Variants in NRXN1 observed in about 807,000 individuals in gnomAD.
NRXN1 encodes the protein neurexin-1.
NRXN1 carries 39 observed loss-of-function variants against 150.9 expected under a neutral mutation model. That is an observed-to-expected ratio of 0.26 (90% CI 0.20 to 0.34). NRXN1 has a LOEUF of 0.34. Ranked by LOEUF, NRXN1 falls within the 10% of genes least tolerant of loss-of-function variation. The pLI, the probability that NRXN1 is intolerant of heterozygous loss-of-function variation, is 1.00. For synonymous variants in NRXN1, 924 were observed against 757.0 expected (o/e 1.22, Z -3.62); for missense variants, 1,815 against 1,949.9 (o/e 0.93, Z 1.30).
At chr2:50,709,265 A>G (rs927505958) in intron 5 of NRXN1, among the ~76,000 whole-genome samples, 2 of 152,178 alleles carry the variant, frequency 1.3e-5, no homozygotes, top group Non-Finnish European at 2.9e-5. Context: ...AGGTACTGAG[A>G]TGAAACCCGG....
At position 50,983,651 on chromosome 2, in the gene NRXN1, T is replaced by G. The variant is rs1697196938; in HGVS notation, c.772+43851A>C. Reference sequence around the variant, plus strand: ...TACACATATTAGGGAACTTTTCTTATTTAGATATAATAGTGAAAATGTTTG... The same window carrying G: ...TACACATATTAGGGAACTTTTCTTAGTTAGATATAATAGTGAAAATGTTTG... On this transcript the variant is annotated intron_variant, in intron 2 of 22. Coordinates refer to ENST00000401669, the MANE Select transcript of NRXN1 (RefSeq NM_001330078.2). Among the ~76,000 whole-genome samples, 3 of 152,116 alleles carry G rather than the reference T, an allele frequency of 2.0e-5. No individual in the cohort carries two copies. The East Asian group carries it at 5.8e-4, about 29-fold the overall frequency.
At chr2:50,060,795 C>T (rs1694408715) in intron 19 of NRXN1, among the ~76,000 whole-genome samples, 2 of 152,262 alleles carry the variant, frequency 1.3e-5, no homozygotes, top group African/African-American at 4.8e-5. Context: ...TGCCTTTGCT[C>T]CTCCTTCGTC....
chr2:50,675,612 T>C (rs1051962016), intron 5 of NRXN1, among the ~76,000 whole-genome samples: 1 of 152,170 alleles, frequency 6.6e-6, no homozygotes. Flanking sequence ...TCCAATGCAA[T>C]GTAAACAAAC....
At chr2:50,279,078 T>C (rs1188830005) in intron 17 of NRXN1, among the ~76,000 whole-genome samples, 3 of 152,224 alleles carry the variant, frequency 2.0e-5, no homozygotes, top group Non-Finnish European at 2.9e-5. Flanking sequence ...TGTGGCATCA[T>C]TTGTCAGGGA....
chr2:50,730,555 T>C (rs1357182543), intron 5 of NRXN1, among the ~76,000 whole-genome samples: 2 of 152,082 alleles, frequency 1.3e-5, no homozygotes, highest in African/African-American at 2.4e-5. Context: ...AACCAAAGAC[T>C]CCCTACATCT....
intron 18 of NRXN1, among the ~76,000 whole-genome samples, chr2:50,153,838 G>A (rs985144683): frequency 1.3e-5 from 2 of 151,706 alleles, no homozygotes; most frequent in African/African-American, 4.8e-5. Context: ...CTCTGTATCT[G>A]CACCTACATG....
chr2:50,039,354 T>TA (rs1690565506), intron 21 of NRXN1, among the ~76,000 whole-genome samples: 2 of 151,862 alleles, frequency 1.3e-5, no homozygotes, highest in South Asian at 4.2e-4. Context: ...TGGTCCCAGC[T>TA]ACTCAGGAGG....
At chr2:50,661,698 C>T (rs1371676105) in intron 5 of NRXN1, among the ~76,000 whole-genome samples, 1 of 152,008 alleles carries the variant, frequency 6.6e-6, no homozygotes, top group Non-Finnish European at 1.5e-5. Context: ...TAGGGTTTCC[C>T]CTTCCTTCTA....
intron 22 of NRXN1, among the ~76,000 whole-genome samples, chr2:49,929,281 C>T (rs932053153): frequency 2.0e-5 from 3 of 152,176 alleles, no homozygotes; most frequent in African/African-American, 7.2e-5. Flanking sequence ...CTTGGTGACA[C>T]TGAAGACAAA....
intron 5 of NRXN1, among the ~76,000 whole-genome samples, chr2:50,652,783 CA>C (rs1336842451): frequency 7.9e-5 from 12 of 152,088 alleles, no homozygotes; most frequent in African/African-American, 2.9e-4. Flanking sequence ...AAAGCTTTTC[CA>C]GAGTTTTGCA....
At chr2:50,510,125 T>C (rs1347363858) in intron 12 of NRXN1, among the ~76,000 whole-genome samples, 2 of 152,118 alleles carry the variant, frequency 1.3e-5, no homozygotes, top group Non-Finnish European at 2.9e-5. Context: ...AGCCATCCAA[T>C]CTATGGTATT....
chr2:50,171,574 G>C (rs1403654), intron 18 of NRXN1, among the ~76,000 whole-genome samples: 3 of 151,990 alleles, frequency 2.0e-5, no homozygotes, highest in African/African-American at 4.8e-5. Context: ...GCTGTCTGAA[G>C]ATGATTTTGA....
intron 15 of NRXN1, among the ~76,000 whole-genome samples, chr2:50,488,464 G>C (rs1021063877): frequency 3.9e-5 from 6 of 152,178 alleles, no homozygotes; most frequent in Non-Finnish European, 7.4e-5. Flanking sequence ...GAGCAGGAGA[G>C]GAACAAGGGA....
At chr2:50,249,517 G>C (rs534155330) in intron 17 of NRXN1, among the ~76,000 whole-genome samples, 27 of 152,042 alleles carry the variant, frequency 1.8e-4, no homozygotes, top group African/African-American at 5.5e-4. Flanking sequence ...TACTAATTAA[G>C]CATTTACTAT....
intron 17 of NRXN1, among the ~76,000 whole-genome samples, chr2:50,362,004 G>A (rs909894221): frequency 6.6e-6 from 1 of 152,094 alleles, no homozygotes; most frequent in African/African-American, 2.4e-5. Flanking sequence ...AAAAACACAT[G>A]ATTATCTCAA....
intron 5 of NRXN1, among the ~76,000 whole-genome samples, chr2:50,876,401 A>G (rs532994428): frequency 9.2e-5 from 14 of 151,926 alleles, no homozygotes; most frequent in Admixed American, 7.2e-4. Context: ...AAACACAATT[A>G]TTTACAACTA....
At chr2:50,902,486 T>C (rs1384163412) in intron 5 of NRXN1, among the ~76,000 whole-genome samples, 1 of 152,182 alleles carries the variant, frequency 6.6e-6, no homozygotes, top group Non-Finnish European at 1.5e-5. Context: ...TTTTAGCTTA[T>C]CTTGGAAAAC....
chr2:50,494,085 T>G (rs1431689740), intron 15 of NRXN1, among the ~76,000 whole-genome samples: 2 of 152,242 alleles, frequency 1.3e-5, no homozygotes. Flanking sequence ...CTTCCATTTG[T>G]TAATGAAAAA....
At chr2:51,001,931 T>C (rs989042974) in intron 2 of NRXN1, among the ~76,000 whole-genome samples, 4 of 151,838 alleles carry the variant, frequency 2.6e-5, no homozygotes, top group East Asian at 2.0e-4. Context: ...ACCCTCCCTA[T>C]ATTGGGAGGA....
Sources: allele counts gnomAD v4.1 joint callset (sites outside exome capture counted in the v4.1 genomes callset), GRCh38; gene constraint gnomAD v4.1.1; transcripts MANE v1.5; gene names NCBI Gene and HGNC (gene_info 2026-07-23, HGNC 2026-07-21).